Variants in DENND3 observed in about 807,000 individuals in gnomAD.
The protein encoded by DENND3 is DENN domain containing 3.
A neutral mutation model predicts 135.1 loss-of-function variants in DENND3; 88 were observed. The ratio of observed to expected loss-of-function variants is 0.65; its 90% CI spans 0.55 to 0.78. The LOEUF (loss-of-function observed/expected upper bound fraction) is 0.78, where lower values mean the gene tolerates loss of function less well. Among genes scored for constraint, DENND3 ranks in the 30% least tolerant of loss-of-function variants. The probability of loss-of-function intolerance (pLI) is 0.00; values close to 1 mark genes in which losing one functional copy is unlikely to be tolerated. For missense variants in DENND3, 1,392 were observed against 1,688.4 expected (o/e 0.82, Z 3.08); for synonymous variants, 693 against 712.3 (o/e 0.97, Z 0.43).
Position 141,188,848 on chromosome 8 carries a change from C to T in DENND3, c.3085-138C>T, listed in dbSNP as rs1049023546. 1.8e-5 allele frequency: 21 copies of T among 1,183,938 alleles called. No homozygotes were observed. The African/African-American group carries it at 2.9e-4, about 17-fold the overall frequency. 73.3% of individuals were successfully genotyped at this position (1,183,938 alleles called of 1,614,324 possible). A position where few individuals can be genotyped will look rare whatever the true frequency, so the allele number is the denominator to read the frequency against. ...TGACAACGTCAGGGCCAGAGGCTCC[C>T]AGGACCCTGAGCCGGCGTGTCCCCT... On this transcript the variant is annotated intron_variant, in intron 18 of 22. Transcript: ENST00000519811.
chr8:141,194,213 G>A lies in DENND3; in HGVS notation c.3817G>A (p.Ala1273Thr), dbSNP rs199951582. The A allele has an allele frequency of 3.8e-5, 62 of 1,612,940 alleles. No homozygotes were observed. The Middle Eastern group carries it at 1.3e-3, about 34-fold the overall frequency. The change falls in exon 23 of 23, where the codon GCC becomes ACC. Residue 1273 changes from alanine to threonine, a missense_variant. Physicochemically the swap from Ala to Thr is moderately conservative, Grantham distance 58 (BLOSUM62 0). Transcript: ENST00000519811. ...SGSGREEGKV[A>T]IWKGE is the part of the protein sequence containing the mutation. ...GTCGGGCAGGGAGGAGGGGAAAGTC[G>A]CCATTTGGAAAGGCGAATAAACGTG...
intron 6 of DENND3, among the ~76,000 whole-genome samples, 180 bp from the exon 7 acceptor site, chr8:141,151,439 T>A (rs13272910): frequency 0.31 from 46,963 of 151,942 alleles, 7,487 homozygotes; most frequent in Non-Finnish European, 0.35. Flanking sequence ...CACGTTGCTG[T>A]GGTCCCATCT....
At chr8:141,142,977 A>G (rs1472205147) in intron 4 of DENND3, 3 of 152,928 alleles carry the variant, frequency 2.0e-5, no homozygotes, top group African/African-American at 7.2e-5. Context: ...CTCCTGCTAG[A>G]CATTAAAGCA....
At chr8:141,135,537 G>C (rs1816695599) in intron 1 of DENND3, among the ~76,000 whole-genome samples, 3 of 152,136 alleles carry the variant, frequency 2.0e-5, no homozygotes, top group African/African-American at 7.2e-5. Context: ...GGTACCCAGG[G>C]CCCCTTGCTT....
At chr8:141,155,827 C>G (rs1314743663) in intron 7 of DENND3, 22 bp from the exon 8 acceptor site, 2 of 1,570,414 alleles carry the variant, frequency 1.3e-6, no homozygotes, top group African/African-American at 2.7e-5. Context: ...TCAATCTTTA[C>G]AGATGATTCC....
At position 141,130,691 on chromosome 8, in the gene DENND3, A is replaced by ATT. The variant is rs869073041; in HGVS notation, c.102+1894_102+1895dup. 8.3e-6 allele frequency among the ~76,000 whole-genome samples: 1 copy of ATT among 120,860 alleles called. No homozygotes were observed. Among genetic ancestry groups the ATT allele is most frequent in the Non-Finnish European group, 1.8e-5 (1 of 55,112 alleles). The allele number at this position is 120,860 out of a possible 152,430, so 79.3% of individuals were successfully genotyped here. The stretch of plus-strand genomic sequence containing the variant: ...TTGAATGTCCAAGGCTTTTAAATAT[A>ATT]TTTTTTTTTTTTTGAGACAGAGTTT... On this transcript the variant is annotated intron_variant, in intron 1 of 22. Coordinates refer to ENST00000519811, the MANE Select transcript of DENND3 (RefSeq NM_001352890.3). The surrounding 1 kb of genome is among the most constrained non-coding windows in gnomAD (Gnocchi z 4.2).
intron 1 of DENND3, among the ~76,000 whole-genome samples, 157 bp from the exon 2 acceptor site, chr8:141,136,352 A>C (rs1327135960): frequency 3.9e-5 from 6 of 152,126 alleles, no homozygotes; most frequent in Admixed American, 1.3e-4. Flanking sequence ...TTCCTAAAAG[A>C]AGCTTCCCAG....
rs541147752 is a variant in DENND3, at chr8:141,141,138, T to G, written c.502-65T>G. The G allele has an allele frequency of 1.2e-6, 2 of 1,610,924 alleles. No homozygotes were observed. Among genetic ancestry groups the G allele is most frequent in the African/African-American group, 2.7e-5 (2 of 74,876 alleles). On this transcript the variant is annotated intron_variant, in intron 3 of 22. Coordinates refer to ENST00000519811, the MANE Select transcript of DENND3 (RefSeq NM_001352890.3). This position sits in a 1 kb window ranked among gnomAD's most constrained non-coding sequence, Gnocchi z 5.3. The stretch of plus-strand genomic sequence containing the variant: ...TGCTGTGTGCTGAAACGTGACCCAG[T>G]TGGAAACAGATACTGGAATTGCCAA...
chr8:141,133,367 C>T (rs1219867548), intron 1 of DENND3, among the ~76,000 whole-genome samples: 3 of 152,110 alleles, frequency 2.0e-5, no homozygotes, highest in Admixed American at 6.5e-5. Context: ...CATGATGTGG[C>T]GAAACAAACA....
chr8:141,161,445 G>T (rs1431388874), intron 9 of DENND3, among the ~76,000 whole-genome samples: 1 of 152,276 alleles, frequency 6.6e-6, no homozygotes, highest in Non-Finnish European at 1.5e-5. Flanking sequence ...AATTGGTTAA[G>T]TGGACAAGTC....
At chr8:141,192,229 C>A (rs1289364214) in intron 20 of DENND3, 102 bp from the exon 21 acceptor site, 2 of 1,488,942 alleles carry the variant, frequency 1.3e-6, no homozygotes, top group Non-Finnish European at 1.8e-6. Flanking sequence ...GGTGATCCCC[C>A]CCATCACCAC....
In DENND3 at chr8:141,194,985, G is replaced by A. The variant is rs972465667; in HGVS notation, c.*752G>A. 4 of 152,214 alleles carry A rather than the reference G, an allele frequency of 2.6e-5. No homozygotes were observed. The highest frequency in any genetic ancestry group is 7.2e-5 in the African/African-American group (3 of 41,436). The allele number at this position is 152,214 out of a possible 1,614,324, so 9.4% of individuals were successfully genotyped here. A position where few individuals can be genotyped will look rare whatever the true frequency, so the allele number is the denominator to read the frequency against. ...ATATCATGCCCAGGAAAGCACATGG[G>A]ATCAAAAGTAAAATAGCATCATGTG... is the stretch of plus-strand genomic sequence containing the variant. On this transcript the variant is annotated 3_prime_UTR_variant, in exon 23 of 23. Coordinates refer to ENST00000519811, the MANE Select transcript of DENND3 (RefSeq NM_001352890.3).
chr8:141,150,836 A>G lies in DENND3; in HGVS notation c.738A>G (p.Val246=). Residue 246 remains valine (V), a splice_region_variant and synonymous_variant, in exon 6 of 23, where the codon GTA becomes GTG. Transcript: ENST00000519811. The stretch of plus-strand genomic sequence containing the variant: ...ATGACGGGAACTGGTTGTCGTAGGT[A>G]TTTAACATGAAGTCGCTCCAGATTG... ...PSPPPGPLHL[V]FNMKSLQIVL... is the part of the protein sequence containing the mutation. 6.3e-7 allele frequency: 1 copy of G among 1,597,814 alleles called. No individual in the cohort carries two copies. Among genetic ancestry groups the G allele is most frequent in the Non-Finnish European group, 8.5e-7 (1 of 1,174,256 alleles).
In DENND3 at chr8:141,144,913, G is replaced by T. The variant is rs919237741; in HGVS notation, c.735+654G>T. Among the ~76,000 whole-genome samples the T allele has an allele frequency of 6.6e-6, 1 of 152,220 alleles. No individual in the cohort carries two copies. Among genetic ancestry groups the T allele is most frequent in the African/African-American group, 2.4e-5 (1 of 41,454 alleles). ...TGACTCTGGTATAGCATCCATGACA[G>T]ATAGCAGACCCTGAAGAAAATCAAA... On this transcript the variant is annotated intron_variant, in intron 5 of 22. Transcript: ENST00000519811. This position sits in a 1 kb window ranked among gnomAD's most constrained non-coding sequence, Gnocchi z 4.4.
chr8:141,156,781 T>C (rs956768922), intron 8 of DENND3, among the ~76,000 whole-genome samples: 3 of 149,516 alleles, frequency 2.0e-5, no homozygotes, highest in African/African-American at 7.4e-5. Context: ...TTATCTTTTC[T>C]TTTTCTTTCC....
Position 141,166,040 on chromosome 8 carries a change from T to C in DENND3, c.1554-150T>C. On this transcript the variant is annotated intron_variant, in intron 11 of 22. Coordinates refer to ENST00000519811, the MANE Select transcript of DENND3 (RefSeq NM_001352890.3). This position sits in a 1 kb window ranked among gnomAD's most constrained non-coding sequence, Gnocchi z 4.3. ...CCCCCTGAGGCTGCACTTGGTGAGA[T>C]TTGGGCAACATGTTCTTACCAGTCT... 11 of 831,078 alleles carry C rather than the reference T, an allele frequency of 1.3e-5. No individual in the cohort carries two copies. Among genetic ancestry groups the C allele is most frequent in the Non-Finnish European group, 2.1e-5 (11 of 514,460 alleles). 51.5% of individuals were successfully genotyped at this position (831,078 alleles called of 1,614,324 possible).
At chr8:141,172,606 C>G (rs950849093) in intron 13 of DENND3, among the ~76,000 whole-genome samples, 1 of 152,214 alleles carries the variant, frequency 6.6e-6, no homozygotes, top group African/African-American at 2.4e-5. Context: ...GCTCCACACT[C>G]AGGGTGTCTG....
In DENND3 at chr8:141,146,034, A is replaced by C. The variant is rs1818089481; in HGVS notation, c.735+1775A>C. On this transcript the variant is annotated intron_variant, in intron 5 of 22. Transcript: ENST00000519811. The surrounding 1 kb of genome is among the most constrained non-coding windows in gnomAD (Gnocchi z 4.3). The stretch of plus-strand genomic sequence containing the variant: ...GGCTAATTTTTTGTATTTTTAGTAG[A>C]GATGGGGTTTCACCTTGTTAGCCAG... Among the ~76,000 whole-genome samples, 2 of 151,474 alleles carry C rather than the reference A, an allele frequency of 1.3e-5. No homozygotes were observed. Among genetic ancestry groups the C allele is most frequent in the African/African-American group, 4.9e-5 (2 of 41,236 alleles).
At position 141,146,814 on chromosome 8, in the gene DENND3, A is replaced by T. The variant is rs1193187637; in HGVS notation, c.735+2555A>T. ...TTTATCGGCCGCGTGTTTTATGTGG[A>T]TAGTTGGCATTTTCTTGTCAACAGT... On this transcript the variant is annotated intron_variant, in intron 5 of 22. Coordinates refer to ENST00000519811, the MANE Select transcript of DENND3 (RefSeq NM_001352890.3). The surrounding 1 kb of genome is among the most constrained non-coding windows in gnomAD (Gnocchi z 4.3). 6.6e-6 allele frequency among the ~76,000 whole-genome samples: 1 copy of T among 152,150 alleles called. No homozygotes were observed. The highest frequency in any genetic ancestry group is 1.5e-5 in the Non-Finnish European group (1 of 68,028).
Sources: gnomAD v4.1 joint callset for allele counts (sites outside exome capture counted in the v4.1 genomes callset) on GRCh38, gnomAD v4.1.1 for gene constraint, Gnocchi (gnomAD v3.1) non-coding constraint, MANE v1.5 for transcripts, NCBI Gene and HGNC (gene_info 2026-07-23, HGNC 2026-07-21) for gene names.